The following VRTN variants were observed in gnomAD, a reference collection of about 807,000 sequenced individuals.
VRTN encodes vertnin.
In VRTN, 5 loss-of-function variants were observed where a neutral mutation model predicts 18.2. The ratio of observed to expected loss-of-function variants is 0.27; its 90% CI spans 0.14 to 0.58. The LOEUF (loss-of-function observed/expected upper bound fraction) is 0.58, where lower values mean the gene tolerates loss of function less well. Among genes scored for constraint, VRTN ranks in the 20% least tolerant of loss-of-function variants. VRTN has a pLI of 0.91. For missense variants in VRTN, 741 were observed against 939.4 expected (o/e 0.79, Z 2.76); for synonymous variants, 381 against 393.7 (o/e 0.97, Z 0.38).
Position 74,336,629 on chromosome 14 carries a change from T to C in VRTN, c.-163-1094T>C, listed in dbSNP as rs556223894. On this transcript the variant is annotated intron_variant, in intron 1 of 2. Transcript: ENST00000557177. ...TTCTGGGTTAGTTCCCATAGATCTA[T>C]TGACACATCAGTAGTGGGTAATATA... 1.6e-3 allele frequency among the ~76,000 whole-genome samples: 239 copies of C among 152,268 alleles called. 1 individual carries two copies. Among genetic ancestry groups the C allele is most frequent in the African/African-American group, 5.5e-3 (227 of 41,556 alleles).
At chr14:74,329,647 C>T (rs1164522970) in intron 1 of VRTN, among the ~76,000 whole-genome samples, 6 of 150,830 alleles carry the variant, frequency 4.0e-5, no homozygotes, top group African/African-American at 7.3e-5. Flanking sequence ...GGCGTGATCT[C>T]GGCTCACTGC....
chr14:74,344,426 A>AAAAAAG (rs1555411639), upstream of VRTN, among the ~76,000 whole-genome samples: 1 of 144,836 alleles, frequency 6.9e-6, no homozygotes, highest in Non-Finnish European at 1.5e-5. Context: ...AAAAAAAAAA[A>AAAAAAG]GTGTTCACTG....
chr14:74,341,058 T>C (rs2085602433), intron 2 of VRTN, among the ~76,000 whole-genome samples: 1 of 152,190 alleles, frequency 6.6e-6, no homozygotes, highest in African/African-American at 2.4e-5. Context: ...ACAAATTATT[T>C]AACAAGTCAT....
chr14:74,354,708 G>A (rs2085712457), intron 1 of VRTN, among the ~76,000 whole-genome samples: 1 of 151,866 alleles, frequency 6.6e-6, no homozygotes, highest in South Asian at 2.1e-4. Flanking sequence ...CAGCCCCATG[G>A]GTTTCTTTTA....
At chr14:74,344,750 A>AAAAAAAAAAAAAAAAAGT (rs1410658975), upstream of VRTN, among the ~76,000 whole-genome samples, 55 of 128,078 alleles carry the variant, frequency 4.3e-4, 1 homozygote, top group East Asian at 1.2e-3. Context: ...AAAAAAAATG[A>AAAAAAAAAAAAAAAAAGT]AAAAAAGAAA....
At chr14:74,345,886 T>A, upstream of VRTN, among the ~76,000 whole-genome samples, 1 of 138,150 alleles carries the variant, frequency 7.2e-6, no homozygotes. Context: ...ATTGTGCCAC[T>A]GCACTCCAGC....
intron 1 of VRTN, among the ~76,000 whole-genome samples, chr14:74,313,179 T>G (rs182942775): frequency 1.2e-3 from 190 of 152,342 alleles, no homozygotes; most frequent in African/African-American, 4.1e-3. Flanking sequence ...TGGACCTGTC[T>G]GTTTCCCTTG....
intron 1 of VRTN, among the ~76,000 whole-genome samples, chr14:74,352,928 A>T (rs574058907): frequency 6.6e-6 from 1 of 152,296 alleles, no homozygotes; most frequent in East Asian, 1.9e-4. Flanking sequence ...ACATACCAAT[A>T]ATTGAGATGA....
At position 74,358,441 on chromosome 14, in the gene VRTN, G is replaced by A; in HGVS notation, c.1658G>A (p.Arg553Lys). 2 of 1,614,192 alleles carry A rather than the reference G, an allele frequency of 1.2e-6. No homozygotes were observed. Among genetic ancestry groups the A allele is most frequent in the East Asian group, 2.2e-5 (1 of 44,876 alleles). ...AAGAGTCTTGCTCGGGGTTGGCCCA[G>A]AGGCCTGTCCAAACTTCAGGTGCCG... ...VWKSLARGWP[R>K]GLSKLQVPVP... The change falls in exon 2 of 2, where the codon AGA (arginine) becomes AAA (lysine). Residue 553 changes from arginine to lysine, a missense_variant. Arg to Lys is a conservative substitution (Grantham distance 26, BLOSUM62 2). Transcript: ENST00000256362. This position sits in a 1 kb window ranked among gnomAD's most constrained non-coding sequence, Gnocchi z 5.4.
In VRTN at chr14:74,358,845, A is replaced by C; in HGVS notation, c.2062A>C (p.Met688Leu). Residue 688 changes from methionine to leucine, a missense_variant, in exon 2 of 2, where the codon ATG becomes CTG. Physicochemically the swap from Met to Leu is conservative, Grantham distance 15. Transcript: ENST00000256362. This position sits in a 1 kb window ranked among gnomAD's most constrained non-coding sequence, Gnocchi z 5.4. ...CCTCACTGCCCGCTCCACATACTAC[A>C]TGTGGAAGCGAGCCCTCTATGACGG... is the stretch of plus-strand genomic sequence containing the variant. Reference protein sequence around the residue: ...FPLTARSTYYMWKRALYDGLT... With the variant: ...FPLTARSTYYLWKRALYDGLT... 1.2e-6 allele frequency: 2 copies of C among 1,614,040 alleles called. No homozygotes were observed. Among genetic ancestry groups the C allele is most frequent in the Non-Finnish European group, 1.7e-6 (2 of 1,179,934 alleles).
Position 74,358,486 on chromosome 14 carries a change from G to A in VRTN, c.1703G>A (p.Gly568Glu), listed in dbSNP as rs756524090. Residue 568 changes from glycine (G) to glutamate (E), a missense_variant, in exon 2 of 2, where the codon GGG becomes GAG. This residue lies in a region of VRTN where 494 missense variants were observed against 546.5 expected (regional missense o/e 0.90). Transcript: ENST00000256362. The surrounding 1 kb of genome is among the most constrained non-coding windows in gnomAD (Gnocchi z 5.4). ...LQVPVPTLGK[G>E]GQEAEEKQEK... Reference sequence around the variant, plus strand: ...GTGCCGGTCCCCACCTTGGGCAAAGGGGGGCAGGAGGCTGAGGAGAAGCAG... The same window carrying A: ...GTGCCGGTCCCCACCTTGGGCAAAGAGGGGCAGGAGGCTGAGGAGAAGCAG... 24 of 1,614,148 alleles carry A rather than the reference G, an allele frequency of 1.5e-5. No individual in the cohort carries two copies. Among genetic ancestry groups the A allele is most frequent in the South Asian group, 5.5e-5 (5 of 91,090 alleles).
chr14:74,330,361 G>C (rs1313503417), intron 1 of VRTN, among the ~76,000 whole-genome samples: 1 of 152,058 alleles, frequency 6.6e-6, no homozygotes, highest in East Asian at 1.9e-4. Context: ...AAAAAGTAAA[G>C]GACCCAGAGT....
rs985292639 is a variant in VRTN at position 74,330,982 on chromosome 14, G to A, written c.-163-6741G>A. Among the ~76,000 whole-genome samples the A allele has an allele frequency of 5.4e-5, 8 of 148,576 alleles. No individual in the cohort carries two copies. In the South Asian group the frequency reaches 1.7e-3, roughly 32 times the overall value. ...TGAGAGGCCCAGGTGGGTGGATCAC[G>A]AGGTCAGGAGATCGAGACCATCCTG... On this transcript the variant is annotated intron_variant, in intron 1 of 2. Transcript: ENST00000557177.
chr14:74,318,353 C>G (rs1307087439), intron 1 of VRTN, among the ~76,000 whole-genome samples: 3 of 152,094 alleles, frequency 2.0e-5, no homozygotes, highest in African/African-American at 2.4e-5. Flanking sequence ...TCACCGCAAC[C>G]TCCGCCTCCT....
At position 74,357,174 on chromosome 14, in the gene VRTN, C is replaced by A. The variant is rs1429321702; in HGVS notation, c.391C>A (p.Gln131Lys). 1.2e-6 allele frequency: 2 copies of A among 1,600,788 alleles called. No homozygotes were observed. The highest frequency in any genetic ancestry group is 1.1e-5 in the South Asian group (1 of 90,882). ...CATGATCGACTCCAAAGTGATGCTGCAGGCCGTGCGCTACTCCCTATGCTC... is the reference window on the plus strand; with the variant it reads ...CATGATCGACTCCAAAGTGATGCTGAAGGCCGTGCGCTACTCCCTATGCTC... Reference protein sequence around the residue: ...QGMIDSKVMLQAVRYSLCSEE... With the variant: ...QGMIDSKVMLKAVRYSLCSEE... Residue 131 changes from glutamine (Q) to lysine (K), a missense_variant, in exon 2 of 2, where the codon CAG becomes AAG. Around this residue, in one of 3 missense-constraint regions of VRTN, gnomAD observed 186 missense variants for 288.3 expected, o/e 0.65. Transcript: ENST00000256362. The surrounding 1 kb of genome is among the most constrained non-coding windows in gnomAD (Gnocchi z 7.8).
Position 74,358,608 on chromosome 14 carries a change from C to T in VRTN, c.1825C>T (p.Leu609=), listed in dbSNP as rs1595178315. 6.2e-7 allele frequency: 1 copy of T among 1,600,622 alleles called. No homozygotes were observed. ...GGGAGGGCCTTCCAGAGAGGGGGCC[C>T]TGCAGGAGGGGGCCACAGCCCAGGG... is the stretch of plus-strand genomic sequence containing the variant. ...VEGGPSREGA[L]QEGATAQGQP... The change falls in exon 2 of 2, where the codon CTG becomes TTG. Residue 609 remains leucine, a synonymous_variant. Coordinates refer to ENST00000256362, the MANE Select transcript of VRTN (RefSeq NM_018228.3). This position sits in a 1 kb window ranked among gnomAD's most constrained non-coding sequence, Gnocchi z 5.4.
At chr14:74,344,870 C>T (rs948248256), upstream of VRTN, among the ~76,000 whole-genome samples, 2 of 151,416 alleles carry the variant, frequency 1.3e-5, no homozygotes, top group African/African-American at 2.4e-5. Context: ...TAGTAGACTA[C>T]CATTTGTGCT....
In VRTN at chr14:74,357,980, G is replaced by T. The variant is rs1490462592; in HGVS notation, c.1197G>T (p.Met399Ile). The T allele has an allele frequency of 1.9e-6, 3 of 1,614,120 alleles. No homozygotes were observed. The highest frequency in any genetic ancestry group is 2.5e-6 in the Non-Finnish European group (3 of 1,180,050). Residue 399 changes from methionine to isoleucine, a missense_variant, in exon 2 of 2, where the codon ATG becomes ATT. Transcript: ENST00000256362. The surrounding 1 kb of genome is among the most constrained non-coding windows in gnomAD (Gnocchi z 7.8). ...CSALAVSSPGMVLMQRAKLYL... is the reference protein window; with the variant it reads ...CSALAVSSPGIVLMQRAKLYL... ...CACTGGCGGTGTCAAGCCCTGGAAT[G>T]GTCTTAATGCAGCGGGCCAAGTTGT...
At chr14:74,304,821 C>T (rs1488644188) in intron 1 of VRTN, among the ~76,000 whole-genome samples, 1 of 152,126 alleles carries the variant, frequency 6.6e-6, no homozygotes, top group Non-Finnish European at 1.5e-5. Context: ...TAACTTTATT[C>T]AAGTATGTCT....
Sources: gnomAD v4.1 joint callset for allele counts (sites outside exome capture counted in the v4.1 genomes callset) on GRCh38, gnomAD v4.1.1 for gene constraint, gnomAD v4.1.1 regional missense constraint, Gnocchi (gnomAD v3.1) non-coding constraint, MANE v1.5 for transcripts, NCBI Gene and HGNC (gene_info 2026-07-23, HGNC 2026-07-21) for gene names.